The following ORC5 variants were observed in gnomAD, a reference collection of about 807,000 sequenced individuals.
The protein encoded by ORC5 is origin recognition complex subunit 5.
A neutral mutation model predicts 58.8 loss-of-function variants in ORC5; 39 were observed. The ratio of observed to expected loss-of-function variants is 0.66; its 90% CI spans 0.51 to 0.87. The LOEUF (loss-of-function observed/expected upper bound fraction) is 0.87. Ranked by LOEUF, ORC5 falls within the 40% of genes least tolerant of loss-of-function variation. The probability of loss-of-function intolerance (pLI) is 0.00; values close to 1 mark genes in which losing one functional copy is unlikely to be tolerated. For synonymous variants in ORC5, 218 were observed against 177.6 expected, an observed-to-expected ratio of 1.23 and a Z score of -1.81; for missense variants, 493 against 506.3, an observed-to-expected ratio of 0.97 and a Z score of 0.25.
Position 104,195,212 on chromosome 7 carries a change from A to C in ORC5, c.484T>G (p.Trp162Gly). The C allele has an allele frequency of 6.4e-7, 1 of 1,574,770 alleles. No individual in the cohort carries two copies. Among genetic ancestry groups the C allele is most frequent in the Non-Finnish European group, 8.6e-7 (1 of 1,166,072 alleles). ...CCAGTATTTGGACGAAACTTTTCCC[A>C]AACAATTTCACTGAGAAAGAGAACA... ...VTVLFLSEIV[W>G]EKFRPNTGCF... is the part of the protein sequence containing the mutation. The change falls in exon 5 of 14, where the codon TGG (tryptophan) becomes GGG (glycine). Residue 162 changes from tryptophan to glycine, a missense_variant. Around this residue, in one of 3 missense-constraint regions of ORC5, gnomAD observed 412 missense variants for 403.7 expected, o/e 1.02. Transcript: ENST00000297431.
chr7:104,204,707 G>C (rs984048040), intron 1 of ORC5, among the ~76,000 whole-genome samples: 8 of 152,134 alleles, frequency 5.3e-5, no homozygotes, highest in African/African-American at 1.9e-4. Context: ...TCATTCTTAG[G>C]AAAACTTATA....
chr7:104,201,126 T>C (rs1055204302), intron 2 of ORC5, among the ~76,000 whole-genome samples, 168 bp from the exon 3 acceptor site: 23 of 152,172 alleles, frequency 1.5e-4, no homozygotes, highest in African/African-American at 5.6e-4. Context: ...ACTCTCTTAT[T>C]TTCTGTCTCT....
rs542694731 is a variant in ORC5 at position 104,153,299 on chromosome 7, C to T, written c.1149+7773G>A. Among the ~76,000 whole-genome samples, 63 of 152,146 alleles carry T rather than the reference C, an allele frequency of 4.1e-4. No individual in the cohort carries two copies. In the South Asian group the frequency reaches 0.012, roughly 30 times the overall value. ...TGGCAGAACAGTAATATGTCCACACCAGGGGTAGTAGGAGATTTGAGAATC... is the reference window on the plus strand; with the variant it reads ...TGGCAGAACAGTAATATGTCCACACTAGGGGTAGTAGGAGATTTGAGAATC... On this transcript the variant is annotated intron_variant, in intron 12 of 13. Transcript: ENST00000297431.
At chr7:104,177,808 G>A (rs562420134) in intron 8 of ORC5, among the ~76,000 whole-genome samples, 1 of 152,246 alleles carries the variant, frequency 6.6e-6, no homozygotes, top group African/African-American at 2.4e-5. Flanking sequence ...CACTTAGAGT[G>A]AGAACATGCA....
intron 8 of ORC5, among the ~76,000 whole-genome samples, chr7:104,176,653 A>G (rs1799328146): frequency 6.8e-6 from 1 of 148,010 alleles, no homozygotes; most frequent in Non-Finnish European, 1.5e-5. Context: ...GGTTTTTGTG[A>G]GGTCCCCTTT....
At chr7:104,198,915 T>C (rs935751910) in intron 3 of ORC5, among the ~76,000 whole-genome samples, 3 of 152,208 alleles carry the variant, frequency 2.0e-5, no homozygotes, top group African/African-American at 7.2e-5. Flanking sequence ...TCCCCACTCA[T>C]GGCTAAAAGG....
At chr7:104,176,692 C>A (rs1358033046) in intron 8 of ORC5, among the ~76,000 whole-genome samples, 1 of 151,000 alleles carries the variant, frequency 6.6e-6, no homozygotes, top group Non-Finnish European at 1.5e-5. Flanking sequence ...TTGTTGGGAG[C>A]TCAGGATTTT....
In ORC5 at chr7:104,168,160, T is replaced by A. The variant is rs12112876; in HGVS notation, c.877+313A>T. The stretch of plus-strand genomic sequence containing the variant: ...CCATAAAACTCATGAAATATAAACA[T>A]AATGAGATAAAACTGTCACATAATT... On this transcript the variant is annotated intron_variant, in intron 9 of 13. Coordinates refer to ENST00000297431, the MANE Select transcript of ORC5 (RefSeq NM_002553.4). 2.0e-3 allele frequency: 1,111 copies of A among 560,058 alleles called. 9 individuals carry two copies. In the African/African-American group the frequency reaches 0.02, roughly 10 times the overall value. The allele number at this position is 560,058 out of a possible 1,614,324, so 34.7% of individuals were successfully genotyped here.
intron 8 of ORC5, among the ~76,000 whole-genome samples, chr7:104,176,261 T>C (rs552138565): frequency 6.6e-6 from 1 of 152,300 alleles, no homozygotes; most frequent in African/African-American, 2.4e-5. Context: ...ATGAAAACTG[T>C]TAAAATAAAC....
intron 4 of ORC5, among the ~76,000 whole-genome samples, chr7:104,196,292 C>T (rs1215944913): frequency 6.6e-6 from 1 of 151,948 alleles, no homozygotes; most frequent in Non-Finnish European, 1.5e-5. Context: ...AGCAAAGCAA[C>T]AGGAAATAGT....
chr7:104,204,490 C>G (rs928136015), intron 1 of ORC5, among the ~76,000 whole-genome samples: 6 of 152,080 alleles, frequency 3.9e-5, no homozygotes, highest in Non-Finnish European at 8.8e-5. Context: ...TTTTTATTAT[C>G]GTACAGGTTT....
chr7:104,188,193 T>A, intron 6 of ORC5, 58 bp downstream of exon 6: 1 of 1,125,096 alleles, frequency 8.9e-7, no homozygotes, highest in South Asian at 1.5e-5. Context: ...CACATATATG[T>A]ATACACACAC....
At chr7:104,163,033 C>T (rs978138708) in intron 11 of ORC5, among the ~76,000 whole-genome samples, 1 of 152,110 alleles carries the variant, frequency 6.6e-6, no homozygotes, top group African/African-American at 2.4e-5. Flanking sequence ...TTTAAATTAC[C>T]TTACAGAATT....
Position 104,187,562 on chromosome 7 carries a change from T to C in ORC5, c.684+689A>G, listed in dbSNP as rs3808006. 2.3e-3 allele frequency: 394 copies of C among 171,722 alleles called. 16 individuals carry two copies. The East Asian group carries it at 0.067, about 29-fold the overall frequency. 10.6% of individuals were successfully genotyped at this position (171,722 alleles called of 1,614,324 possible). ...ATTACTATTTTCTGTTAAATGGAGA[T>C]AAGATCTTAATTAATTGAAGATTTC... On this transcript the variant is annotated intron_variant, in intron 6 of 13. Transcript: ENST00000297431.
intron 12 of ORC5, among the ~76,000 whole-genome samples, chr7:104,142,351 C>T (rs1056612302): frequency 4.6e-5 from 7 of 151,952 alleles, no homozygotes; most frequent in African/African-American, 1.7e-4. Flanking sequence ...TTTGGATAGG[C>T]TGCCAAAAGC....
chr7:104,128,492 C>T (rs1027473743), intron 13 of ORC5, among the ~76,000 whole-genome samples: 10 of 152,072 alleles, frequency 6.6e-5, no homozygotes, highest in South Asian at 2.1e-4. Flanking sequence ...AGAAAGGAAA[C>T]GGATATAATA....
chr7:104,135,941 C>T (rs1464801271), intron 13 of ORC5, among the ~76,000 whole-genome samples: 1 of 152,210 alleles, frequency 6.6e-6, no homozygotes, highest in Admixed American at 6.5e-5. Context: ...TCTTCCATTA[C>T]AGTCCTGACA....
rs1283585225 is a variant in ORC5, at chr7:104,126,734, T to C, written c.*114A>G. 4 of 716,678 alleles carry C rather than the reference T, an allele frequency of 5.6e-6. No homozygotes were observed. The highest frequency in any genetic ancestry group is 9.5e-6 in the Non-Finnish European group (4 of 422,306). The allele number at this position is 716,678 out of a possible 1,614,324, so 44.4% of individuals were successfully genotyped here. On this transcript the variant is annotated 3_prime_UTR_variant, in exon 14 of 14. Coordinates refer to ENST00000297431, the MANE Select transcript of ORC5 (RefSeq NM_002553.4). Reference sequence around the variant, plus strand: ...GATTCCATGCTGGGCCAGCACCTGTTTGGACAAATCCAATAGAGCCAAAGA... The same window carrying C: ...GATTCCATGCTGGGCCAGCACCTGTCTGGACAAATCCAATAGAGCCAAAGA...
chr7:104,131,211 C>G (rs1407163272), intron 13 of ORC5, among the ~76,000 whole-genome samples: 1 of 152,182 alleles, frequency 6.6e-6, no homozygotes, highest in East Asian at 1.9e-4. Flanking sequence ...CCCTTAGTCT[C>G]AATTTTGTCT....
Sources: allele counts gnomAD v4.1 joint callset (sites outside exome capture counted in the v4.1 genomes callset), GRCh38; gene constraint gnomAD v4.1.1; regional missense constraint gnomAD v4.1.1; transcripts MANE v1.5; gene names NCBI Gene and HGNC (gene_info 2026-07-23, HGNC 2026-07-21).